Variants in AKT1 observed in about 807,000 individuals in gnomAD.
The protein encoded by AKT1 is RAC-alpha serine/threonine-protein kinase.
A neutral mutation model predicts 63.1 loss-of-function variants in AKT1; 21 were observed. The ratio of observed to expected loss-of-function variants is 0.33; its 90% confidence interval spans 0.24 to 0.48. AKT1 has a LOEUF of 0.48. Ranked by LOEUF, AKT1 falls within the 20% of genes least tolerant of loss-of-function variation. AKT1 has a pLI of 0.99. For missense variants in AKT1, 382 were observed against 666.0 expected, an observed-to-expected ratio of 0.57 and a Z score of 4.69; for synonymous variants, 257 against 253.1, an observed-to-expected ratio of 1.02 and a Z score of -0.15.
intron 3 of AKT1, among the ~76,000 whole-genome samples, chr14:104,790,018 G>A (rs61758558): frequency 1.3e-5 from 2 of 152,336 alleles, no homozygotes; most frequent in Admixed American, 6.5e-5. Context: ...CCAAGGAGCA[G>A]GAGAAGGAGC....
chr14:104,785,280 G>A (rs894963325), intron 3 of AKT1, among the ~76,000 whole-genome samples: 3 of 152,128 alleles, frequency 2.0e-5, no homozygotes, highest in African/African-American at 4.8e-5. Context: ...GCCCGGGCCC[G>A]GGAGTACACA....
In AKT1 at chr14:104,769,465, G is replaced by A; in HGVS notation, c.*876C>T. On this transcript the variant is annotated 3_prime_UTR_variant, in exon 15 of 15. Transcript: ENST00000649815. ...ACGCCGTGGTGCAGCGGCAGCGGCAGCGTCTGGCCAGGAGGCGTGGAGGGG... is the reference window on the plus strand; with the variant it reads ...ACGCCGTGGTGCAGCGGCAGCGGCAACGTCTGGCCAGGAGGCGTGGAGGGG... The A allele has an allele frequency of 2.2e-6, 1 of 454,410 alleles. No homozygotes were observed. Among genetic ancestry groups the A allele is most frequent in the Non-Finnish European group, 4.1e-6 (1 of 241,230 alleles). The allele number at this position is 454,410 out of a possible 1,614,324, so 28.1% of individuals were successfully genotyped here.
chr14:104,776,529 G>T, intron 5 of AKT1, 130 bp downstream of exon 5: 1 of 741,918 alleles, frequency 1.3e-6, no homozygotes, highest in Non-Finnish European at 2.1e-6. Flanking sequence ...ACTGGGCTCT[G>T]AGGAGGGCCT....
intron 13 of AKT1, chr14:104,771,298 C>G: frequency 4.0e-6 from 1 of 252,498 alleles, no homozygotes; most frequent in Non-Finnish European, 7.7e-6. Flanking sequence ...AGGACCACAG[C>G]CTGCTGGCAT....
At chr14:104,775,533 G>GGTGGAGATGCC in intron 6 of AKT1, 119 bp downstream of exon 6, 1 of 1,400,870 alleles carries the variant, frequency 7.1e-7, no homozygotes, top group Non-Finnish European at 9.6e-7. Flanking sequence ...AACCGGCCTA[G>GGTGGAGATGCC]GTGGAGATGC....
At position 104,776,719 on chromosome 14, in the gene AKT1, C is replaced by T. The variant is rs771065764; in HGVS notation, c.227G>A (p.Arg76His). ...ERPRPNTFII[R>H]CLQWTTVIER... ...GATGACAGTGGTCCACTGCAGGCAGCGGATGATGAAGGTGTTGGGCCGGGG... is the reference window on the plus strand; with the variant it reads ...GATGACAGTGGTCCACTGCAGGCAGTGGATGATGAAGGTGTTGGGCCGGGG... The change falls in exon 5 of 15, where the codon CGC (arginine) becomes CAC (histidine). Residue 76 changes from arginine to histidine, a missense_variant. Physicochemically the swap from Arg to His is conservative, Grantham distance 29. Around this residue, in one of 3 missense-constraint regions of AKT1, gnomAD observed 226 missense variants for 366.4 expected, o/e 0.62. Transcript: ENST00000649815. 8 of 1,613,324 alleles carry T rather than the reference C, an allele frequency of 5.0e-6. No homozygotes were observed. Among genetic ancestry groups the T allele is most frequent in the Non-Finnish European group, 5.9e-6 (7 of 1,179,842 alleles).
chr14:104,772,371 C>T lies in AKT1; in HGVS notation c.1254G>A (p.Glu418=). Reference sequence around the variant, plus strand: ...ATGCGGGGAGCAGCCGCACCTTCTTCTCGTACACGTGCTGCCACACGATAC... The same window carrying T: ...ATGCGGGGAGCAGCCGCACCTTCTTTTCGTACACGTGCTGCCACACGATAC... The part of the protein sequence containing the change: ...FAGIVWQHVY[E]KKLSPPFKPQ... Residue 418 remains glutamate (E), a synonymous_variant, in exon 13 of 15, where the codon GAG becomes GAA. Coordinates refer to ENST00000649815, the MANE Select transcript of AKT1 (RefSeq NM_001382430.1). 1.2e-6 allele frequency: 2 copies of T among 1,613,924 alleles called. No homozygotes were observed. The highest frequency in any genetic ancestry group is 1.7e-6 in the Non-Finnish European group (2 of 1,180,028).
In AKT1 at chr14:104,769,565, TCAAGTGCTACCGTGG is replaced by T. The variant is rs1464625826; in HGVS notation, c.*761_*775del. 9.4e-5 allele frequency: 50 copies of T among 532,540 alleles called. No individual in the cohort carries two copies. The Middle Eastern group carries it at 1.7e-3, about 19-fold the overall frequency. The allele number at this position is 532,540 out of a possible 1,614,324, so 33.0% of individuals were successfully genotyped here. ...GCGGAAAGGTTAAGCGTCGAAAAGG[TCAAGTGCTACCGTGG>T]AGAGATCATCTGAGGGGGAGGCTCC... On this transcript the variant is annotated 3_prime_UTR_variant, in exon 15 of 15. Transcript: ENST00000649815.
chr14:104,781,240 G>A (rs897202738), intron 3 of AKT1, among the ~76,000 whole-genome samples: 10 of 152,170 alleles, frequency 6.6e-5, no homozygotes, highest in African/African-American at 2.4e-4. Flanking sequence ...ACTGGGCAGG[G>A]GTTAGGGAGG....
intron 3 of AKT1, among the ~76,000 whole-genome samples, chr14:104,791,830 T>A (rs748246697): frequency 5.3e-5 from 8 of 152,206 alleles, no homozygotes; most frequent in Non-Finnish European, 8.8e-5. Flanking sequence ...CGATTCCGCC[T>A]GGGGCAGAAG....
chr14:104,784,946 G>T (rs1158386473), intron 3 of AKT1, among the ~76,000 whole-genome samples: 3 of 152,242 alleles, frequency 2.0e-5, no homozygotes, highest in Non-Finnish European at 4.4e-5. Flanking sequence ...AAAGTCCCCA[G>T]TTCTCAGGAA....
At chr14:104,791,462 G>C (rs61758465) in intron 3 of AKT1, among the ~76,000 whole-genome samples, 1,591 of 152,134 alleles carry the variant, frequency 0.01, 45 homozygotes, top group East Asian at 0.1. Context: ...TCTTCATCTC[G>C]AGGCCCCGCG....
At chr14:104,776,598 G>T (rs763491508) in intron 5 of AKT1, 61 bp downstream of exon 5, 148 of 1,450,794 alleles carry the variant, frequency 1.0e-4, no homozygotes, top group Non-Finnish European at 1.2e-4. Context: ...CGCCATCCCC[G>T]TGTCCCTCCT....
At position 104,769,412 on chromosome 14, in the gene AKT1, A is replaced by AAAT. The variant is rs1892247656; in HGVS notation, c.*926_*928dup. 2 of 337,088 alleles carry AAAT rather than the reference A, an allele frequency of 5.9e-6. No individual in the cohort carries two copies. Among genetic ancestry groups the AAAT allele is most frequent in the African/African-American group, 4.3e-5 (2 of 46,350 alleles). 20.9% of individuals were successfully genotyped at this position (337,088 alleles called of 1,614,324 possible). On this transcript the variant is annotated 3_prime_UTR_variant, in exon 15 of 15. Coordinates refer to ENST00000649815, the MANE Select transcript of AKT1 (RefSeq NM_001382430.1). Reference sequence around the variant, plus strand: ...GTTCCATATTATATTATAATAGTAAAAATACTAAAGTTGAATGTTGTAAAA... The same window carrying AAAT: ...GTTCCATATTATATTATAATAGTAAAAATAATACTAAAGTTGAATGTTGTAAAA...
intron 3 of AKT1, 33 bp from the exon 4 acceptor site, chr14:104,780,249 A>G (rs750635635): frequency 5.6e-6 from 9 of 1,609,108 alleles, no homozygotes; most frequent in Admixed American, 1.7e-5. Context: ...AGCCACGCAC[A>G]CTCTACCCGT....
At chr14:104,776,611 G>A (rs774653182) in intron 5 of AKT1, 48 bp downstream of exon 5, 97 of 1,555,866 alleles carry the variant, frequency 6.2e-5, no homozygotes, top group Non-Finnish European at 8.5e-5. Flanking sequence ...TCCCTCCTAA[G>A]CGCTGGGGCT....
intron 3 of AKT1, among the ~76,000 whole-genome samples, chr14:104,783,577 A>AG (rs1259971436): frequency 3.4e-5 from 5 of 146,832 alleles, no homozygotes; most frequent in African/African-American, 1.3e-4. Flanking sequence ...GAGTGGGCAC[A>AG]GACCCCCAGG....
chr14:104,791,600 G>T (rs1893630111), intron 3 of AKT1, among the ~76,000 whole-genome samples: 1 of 152,150 alleles, frequency 6.6e-6, no homozygotes, highest in African/African-American at 2.4e-5. Flanking sequence ...CCTTAGGCCT[G>T]CTCTTCTGTG....
chr14:104,786,382 C>G (rs1257978014), intron 3 of AKT1: 2 of 152,264 alleles, frequency 1.3e-5, no homozygotes, highest in African/African-American at 4.8e-5. Flanking sequence ...CACGTGTAGA[C>G]ACTGCCCTCG....
Sources: gnomAD v4.1 joint callset for allele counts (sites outside exome capture counted in the v4.1 genomes callset) on GRCh38, gnomAD v4.1.1 for gene constraint, gnomAD v4.1.1 regional missense constraint, MANE v1.5 for transcripts, NCBI Gene and HGNC (gene_info 2026-07-23, HGNC 2026-07-21) for gene names.